The following SYNE1 variants were observed in gnomAD, a reference collection of about 807,000 sequenced individuals.
SYNE1 encodes the protein nesprin-1.
Under a neutral mutation model 1,111.0 loss-of-function variants are expected in SYNE1, and 616 were observed. The observed-to-expected ratio is 0.55, with a 90% CI of 0.52 to 0.59. SYNE1 has a LOEUF of 0.59. Among genes scored for constraint, SYNE1 ranks in the 20% least tolerant of loss-of-function variants. SYNE1 has a pLI of 0.00. For synonymous variants in SYNE1, 3,855 were observed against 3,825.8 expected, an observed-to-expected ratio of 1.01 and a Z score of -0.28; for missense variants, 10,006 against 10,417.0, an observed-to-expected ratio of 0.96 and a Z score of 1.72.
chr6:152,329,369 A>T (rs1452560409), intron 78 of SYNE1, among the ~76,000 whole-genome samples: 1 of 152,180 alleles, frequency 6.6e-6, no homozygotes, highest in Admixed American at 6.5e-5. Context: ...CTACTAAAAA[A>T]TACAAAAATT....
In SYNE1 at chr6:152,350,571, C is replaced by T. The variant is rs375692182; in HGVS notation, c.11733+47G>A. The T allele has an allele frequency of 8.9e-5, 143 of 1,613,630 alleles. 1 individual carries two copies. The highest frequency in any genetic ancestry group is 8.6e-4 in the South Asian group (78 of 91,060). On this transcript the variant is annotated intron_variant, in intron 71 of 145. Transcript: ENST00000367255. ...ACAGAGAGAAAGGAGTCAGGGCCCA[C>T]ATTTTGGAAAATAAACCCTTTTACG...
At position 152,376,438 on chromosome 6, in the gene SYNE1, C is replaced by G; in HGVS notation, c.9267G>C (p.Lys3089Asn). The part of the protein sequence containing the change: ...WLVNAKITTA[K>N]CFDIPQNISE... Reference sequence around the variant, plus strand: ...TTATATTTTGAGGTATATCAAAACACTTGGCGGTAGTGATTTTTGCATTAA... The same window carrying G: ...TTATATTTTGAGGTATATCAAAACAGTTGGCGGTAGTGATTTTTGCATTAA... The change falls in exon 58 of 146, where the codon AAG becomes AAC. Residue 3089 changes from lysine to asparagine, a missense_variant. Physicochemically the swap from Lys to Asn is moderately conservative, Grantham distance 94. Transcript: ENST00000367255. The G allele has an allele frequency of 6.2e-7, 1 of 1,614,196 alleles. No homozygotes were observed. Among genetic ancestry groups the G allele is most frequent in the Non-Finnish European group, 8.5e-7 (1 of 1,180,032 alleles).
chr6:152,311,781 T>G (rs1374365502), intron 87 of SYNE1, among the ~76,000 whole-genome samples: 1 of 151,618 alleles, frequency 6.6e-6, no homozygotes. Context: ...GACTATTTAT[T>G]TATTTCTTTT....
intron 55 of SYNE1, among the ~76,000 whole-genome samples, chr6:152,384,874 C>T (rs921144919): frequency 2.2e-5 from 3 of 135,266 alleles, no homozygotes; most frequent in African/African-American, 9.9e-5. Context: ...AGCAAGACTC[C>T]ATTTCAAAAA....
chr6:152,621,160 T>A (rs2099674464), intron 3 of SYNE1, among the ~76,000 whole-genome samples: 1 of 152,116 alleles, frequency 6.6e-6, no homozygotes, highest in Non-Finnish European at 1.5e-5. Flanking sequence ...CTTCCGAGCA[T>A]GGAAAGTAGT....
intron 87 of SYNE1, among the ~76,000 whole-genome samples, chr6:152,313,082 A>C (rs868738972): frequency 6.6e-6 from 1 of 152,246 alleles, no homozygotes; most frequent in Admixed American, 6.5e-5. Flanking sequence ...AAGACAACAA[A>C]GCAAAAAATC....
chr6:152,283,825 C>A (rs1469142606), intron 96 of SYNE1, among the ~76,000 whole-genome samples, 153 bp downstream of exon 96: 1 of 152,090 alleles, frequency 6.6e-6, no homozygotes, highest in East Asian at 1.9e-4. Flanking sequence ...GTGAACCACC[C>A]CTCCCGGCCG....
intron 24 of SYNE1, 47 bp from the exon 25 acceptor site, chr6:152,453,767 G>T: frequency 6.2e-7 from 1 of 1,612,918 alleles, no homozygotes; most frequent in East Asian, 2.2e-5. Context: ...CAGACGAAAA[G>T]GCAGCACCAG....
chr6:152,454,426 G>A (rs934078853), intron 24 of SYNE1, among the ~76,000 whole-genome samples: 1 of 152,132 alleles, frequency 6.6e-6, no homozygotes, highest in Non-Finnish European at 1.5e-5. Flanking sequence ...TGCCATGTGA[G>A]GGCACAGGGA....
intron 3 of SYNE1, among the ~76,000 whole-genome samples, chr6:152,612,853 CA>C (rs1297303008): frequency 6.6e-6 from 1 of 152,192 alleles, no homozygotes; most frequent in Non-Finnish European, 1.5e-5. Context: ...ATATGCAAAT[CA>C]GTAAACGTAA....
chr6:152,395,617 C>A lies in SYNE1; in HGVS notation c.7611G>T (p.Arg2537Ser), dbSNP rs568309673. ...TCTCTCCCAAGTTTTCCGTATTGAACCTTTCTTCCATTTCATGGATCCATA... is the reference window on the plus strand; with the variant it reads ...TCTCTCCCAAGTTTTCCGTATTGAAACTTTCTTCCATTTCATGGATCCATA... ...LNLWIHEMEE[R>S]FNTENLGESK... is the part of the protein sequence containing the mutation. The change falls in exon 51 of 146, where the codon AGG (arginine) becomes AGT (serine). Residue 2537 changes from arginine (R) to serine (S), a missense_variant. Arg to Ser is a moderately radical substitution (Grantham distance 110). Around this residue, in one of 7 missense-constraint regions of SYNE1, gnomAD observed 4,955 missense variants for 5,017.2 expected, o/e 0.99. Coordinates refer to ENST00000367255, the MANE Select transcript of SYNE1 (RefSeq NM_182961.4). The A allele has an allele frequency of 3.3e-4, 525 of 1,614,174 alleles. 8 individuals are homozygous for A. The South Asian group carries it at 5.3e-3, about 16-fold the overall frequency.
At chr6:152,218,612 C>T (rs1042309562) in intron 120 of SYNE1, among the ~76,000 whole-genome samples, 5 of 152,142 alleles carry the variant, frequency 3.3e-5, no homozygotes, top group African/African-American at 1.2e-4. Flanking sequence ...TATTTCTATG[C>T]ACCATAAGTC....
intron 145 of SYNE1, chr6:152,127,882 T>C (rs1038369421): frequency 1.4e-4 from 21 of 152,230 alleles, no homozygotes. Context: ...AATACATTTT[T>C]AAATGAGGGC....
At chr6:152,301,525 T>A (rs2095167222) in intron 92 of SYNE1, among the ~76,000 whole-genome samples, 1 of 152,214 alleles carries the variant, frequency 6.6e-6, no homozygotes, top group South Asian at 2.1e-4. Context: ...GCCATGAATT[T>A]CCCATCCCCC....
chr6:152,185,810 T>C (rs1438544314), intron 128 of SYNE1, among the ~76,000 whole-genome samples: 1 of 152,230 alleles, frequency 6.6e-6, no homozygotes, highest in East Asian at 1.9e-4. Flanking sequence ...TGGAGAACAA[T>C]TTTACAACAT....
At chr6:152,518,978 G>A (rs559571480) in intron 6 of SYNE1, among the ~76,000 whole-genome samples, 2 of 150,926 alleles carry the variant, frequency 1.3e-5, no homozygotes, top group South Asian at 4.2e-4. Context: ...CACCCACCCG[G>A]GACTGTTGTA....
intron 41 of SYNE1, among the ~76,000 whole-genome samples, chr6:152,414,541 GGGCA>G (rs1040370795): frequency 2.6e-5 from 4 of 152,114 alleles, no homozygotes; most frequent in Non-Finnish European, 4.4e-5. Context: ...TGGTGGCTGG[GGGCA>G]GGTGTTCTTA....
Position 152,139,962 on chromosome 6 carries a change from G to T in SYNE1, c.25446C>A (p.Ile8482=), listed in dbSNP as rs1455168532. 3 of 1,613,526 alleles carry T rather than the reference G, an allele frequency of 1.9e-6. No homozygotes were observed. Among genetic ancestry groups the T allele is most frequent in the East Asian group, 4.5e-5 (2 of 44,868 alleles). Reference sequence around the variant, plus strand: ...AAGGGGCAGCTACCTTGAGCTTTTTGATCTGGAGCTCGATGGTCTGGATGT... The same window carrying T: ...AAGGGGCAGCTACCTTGAGCTTTTTTATCTGGAGCTCGATGGTCTGGATGT... ...STDIQTIELQ[I]KKLKELQKAV... is the part of the protein sequence containing the mutation. Residue 8482 remains isoleucine (I), a synonymous_variant, in exon 140 of 146, where the codon ATC becomes ATA. Transcript: ENST00000367255.
At chr6:152,173,050 A>C (rs1437045637) in intron 130 of SYNE1, among the ~76,000 whole-genome samples, 2 of 152,246 alleles carry the variant, frequency 1.3e-5, no homozygotes. Context: ...GAAAGTATGG[A>C]AAGGACACTA....
Sources: allele counts gnomAD v4.1 joint callset (sites outside exome capture counted in the v4.1 genomes callset), GRCh38; gene constraint gnomAD v4.1.1; regional missense constraint gnomAD v4.1.1; transcripts MANE v1.5; gene names NCBI Gene and HGNC (gene_info 2026-07-23, HGNC 2026-07-21).